RERG: variants seen among roughly 807,000 people sequenced by gnomAD.
RERG encodes ras-related and estrogen-regulated growth inhibitor.
A neutral mutation model predicts 23.2 loss-of-function variants in RERG; 25 were observed. The observed-to-expected ratio is 1.08, with a 90% CI of 0.79 to 1.50. The LOEUF is 1.50. Among genes scored for constraint, RERG ranks in the 40% most tolerant of loss-of-function variants. The probability of loss-of-function intolerance (pLI) is 0.00; values close to 1 mark genes in which losing one functional copy is unlikely to be tolerated. For missense variants in RERG, 253 were observed against 250.1 expected, an observed-to-expected ratio of 1.01 and a Z score of -0.08; for synonymous variants, 81 against 89.1, an observed-to-expected ratio of 0.91 and a Z score of 0.51.
rs184550871 is a variant in RERG at position 15,126,911 on chromosome 12, A to C, written c.62-5792T>G. 1.7e-3 allele frequency among the ~76,000 whole-genome samples: 257 copies of C among 151,662 alleles called. 2 individuals are homozygous for C. The highest frequency in any genetic ancestry group is 5.7e-3 in the African/African-American group (237 of 41,400). On this transcript the variant is annotated intron_variant, in intron 2 of 4. Coordinates refer to ENST00000256953, the MANE Select transcript of RERG (RefSeq NM_032918.3). Reference sequence around the variant, plus strand: ...TTTTTTGTATTTTTAGTAGAGACAGAGTTTCACCGTGTTAGCCAGGACGGT... The same window carrying C: ...TTTTTTGTATTTTTAGTAGAGACAGCGTTTCACCGTGTTAGCCAGGACGGT...
At chr12:15,136,323 T>C (rs1864144035) in intron 2 of RERG, among the ~76,000 whole-genome samples, 1 of 152,098 alleles carries the variant, frequency 6.6e-6, no homozygotes, top group African/African-American at 2.4e-5. Context: ...GTCAATTTTA[T>C]TGATCTTTTC....
chr12:15,161,515 G>A (rs1278133622), intron 2 of RERG, among the ~76,000 whole-genome samples: 1 of 152,152 alleles, frequency 6.6e-6, no homozygotes, highest in Non-Finnish European at 1.5e-5. Context: ...TCAGGAACCA[G>A]CCAGATCCCC....
chr12:15,170,522 T>A (rs546611598), intron 2 of RERG, among the ~76,000 whole-genome samples: 163 of 152,324 alleles, frequency 1.1e-3, no homozygotes, highest in Non-Finnish European at 1.3e-3. Context: ...AGCAATTGCA[T>A]TTTACAAACA....
intron 4 of RERG, 25 bp from the exon 5 acceptor site, chr12:15,109,542 C>A: frequency 6.4e-7 from 1 of 1,551,068 alleles, no homozygotes; most frequent in South Asian, 1.2e-5. Context: ...AAATGGCCGT[C>A]AAGAGACCTG....
chr12:15,173,730 T>A (rs1326940670), intron 2 of RERG, among the ~76,000 whole-genome samples: 4 of 151,932 alleles, frequency 2.6e-5, no homozygotes, highest in Non-Finnish European at 4.4e-5. Context: ...ATTCTTTTTA[T>A]TCTATTGTTA....
At chr12:15,145,927 G>A (rs1251874896) in intron 2 of RERG, among the ~76,000 whole-genome samples, 1 of 152,160 alleles carries the variant, frequency 6.6e-6, no homozygotes, top group Non-Finnish European at 1.5e-5. Context: ...CCATGCCTAC[G>A]GTGGTTGATT....
chr12:15,126,803 T>C (rs1863954558), intron 2 of RERG, among the ~76,000 whole-genome samples: 2 of 147,900 alleles, frequency 1.4e-5, no homozygotes, highest in South Asian at 2.2e-4. Flanking sequence ...CTGCAAGCTC[T>C]GCCTCCCGGG....
intron 2 of RERG, among the ~76,000 whole-genome samples, chr12:15,209,656 G>A (rs1274951011): frequency 1.3e-5 from 2 of 151,992 alleles, no homozygotes; most frequent in African/African-American, 4.8e-5. Flanking sequence ...GCCATGCATT[G>A]GTTATTTATT....
chr12:15,111,467 T>C (rs1236792052), intron 3 of RERG, 50 bp from the exon 4 acceptor site: 1 of 1,429,204 alleles, frequency 7.0e-7, no homozygotes, highest in South Asian at 1.2e-5. Context: ...AAATGCAAGA[T>C]TTAATTTGAT....
At chr12:15,122,212 C>G (rs889112624) in intron 2 of RERG, among the ~76,000 whole-genome samples, 1 of 151,986 alleles carries the variant, frequency 6.6e-6, no homozygotes, top group Non-Finnish European at 1.5e-5. Context: ...GATTCATTGT[C>G]TATCATATTT....
rs571900671 is a variant in RERG, at chr12:15,144,426, G to A, written c.62-23307C>T. ...GCTATAGGAGTACCCTGAACTCTGA[G>A]GCACTTTAAACAGTTGGGCTGATGA... On this transcript the variant is annotated intron_variant, in intron 2 of 4. Transcript: ENST00000256953. Among the ~76,000 whole-genome samples, 5 of 152,120 alleles carry A rather than the reference G, an allele frequency of 3.3e-5. No individual in the cohort carries two copies. The East Asian group carries it at 5.8e-4, about 18-fold the overall frequency.
intron 2 of RERG, among the ~76,000 whole-genome samples, chr12:15,166,528 GGTGGTGGTGGTGGTA>G (rs1591655179): frequency 6.6e-6 from 1 of 151,472 alleles, no homozygotes; most frequent in East Asian, 1.9e-4. Flanking sequence ...TGGTGATGGT[GGTGGTGGTGGTGGTA>G]GTGGTGTTGG....
At chr12:15,118,632 A>T (rs1863775010) in intron 3 of RERG, among the ~76,000 whole-genome samples, 1 of 152,070 alleles carries the variant, frequency 6.6e-6, no homozygotes, top group Non-Finnish European at 1.5e-5. Flanking sequence ...CTCATGGTTT[A>T]ACACCTTCCT....
At position 15,207,206 on chromosome 12, in the gene RERG, CCATTAGTTCCAAAA is replaced by C. The variant is rs985329576; in HGVS notation, c.61+10209_61+10222del. Among the ~76,000 whole-genome samples, 5 of 152,152 alleles carry C rather than the reference CCATTAGTTCCAAAA, an allele frequency of 3.3e-5. 1 individual carries two copies. The highest frequency in any genetic ancestry group is 4.2e-4 in the South Asian group (2 of 4,816). On this transcript the variant is annotated intron_variant, in intron 2 of 4. Coordinates refer to ENST00000256953, the MANE Select transcript of RERG (RefSeq NM_032918.3). Reference sequence around the variant, plus strand: ...TCTGTGATTCAAGTGCCACAAGGGTCCATTAGTTCCAAAACATTAGTTCCAAAACAAACATTTCC... The same window carrying C: ...TCTGTGATTCAAGTGCCACAAGGGTCCATTAGTTCCAAAACAAACATTTCC...
chr12:15,182,819 A>T (rs1401962185), intron 2 of RERG, among the ~76,000 whole-genome samples: 5 of 152,216 alleles, frequency 3.3e-5, no homozygotes, highest in Admixed American at 3.3e-4. Context: ...TTAAGACTAT[A>T]ATCCCAGCAC....
chr12:15,215,177 G>A (rs955234274), intron 2 of RERG, among the ~76,000 whole-genome samples: 2 of 152,202 alleles, frequency 1.3e-5, no homozygotes, highest in African/African-American at 4.8e-5. Context: ...AAGAAACTTA[G>A]TGAGCAATTT....
rs565232033 is a variant in RERG, at chr12:15,218,457, C to T, written c.-114-854G>A. Among the ~76,000 whole-genome samples, 81 of 152,240 alleles carry T rather than the reference C, an allele frequency of 5.3e-4. 3 individuals carry two copies. In the East Asian group the frequency reaches 0.013, roughly 24 times the overall value. ...CATCTGAAGAAATCTTCTAGCCATTCTTCTAGCAAGAATCTTTCCTTAGGA... is the reference window on the plus strand; with the variant it reads ...CATCTGAAGAAATCTTCTAGCCATTTTTCTAGCAAGAATCTTTCCTTAGGA... On this transcript the variant is annotated intron_variant, in intron 1 of 4. Coordinates refer to ENST00000256953, the MANE Select transcript of RERG (RefSeq NM_032918.3).
At chr12:15,110,582 C>A (rs534322240) in intron 4 of RERG, among the ~76,000 whole-genome samples, 6 of 148,574 alleles carry the variant, frequency 4.0e-5, no homozygotes, top group Non-Finnish European at 8.9e-5. Flanking sequence ...GGGTTCACAC[C>A]GTTCTCCTGC....
At chr12:15,166,592 C>T (rs1008474167) in intron 2 of RERG, among the ~76,000 whole-genome samples, 2 of 150,854 alleles carry the variant, frequency 1.3e-5, no homozygotes, top group Non-Finnish European at 3.0e-5. Context: ...AGGGGTGGTG[C>T]CACTGCAGCT....
Sources: gnomAD v4.1 joint callset for allele counts (sites outside exome capture counted in the v4.1 genomes callset) on GRCh38, gnomAD v4.1.1 for gene constraint, MANE v1.5 for transcripts, NCBI Gene and HGNC (gene_info 2026-07-23, HGNC 2026-07-21) for gene names.